Variants in DHRSX observed in about 807,000 individuals in gnomAD.
The protein encoded by DHRSX is polyprenol dehydrogenase.
In DHRSX, 31 loss-of-function variants were observed where a neutral mutation model predicts 34.0. That is an observed-to-expected ratio of 0.91 (90% CI 0.69 to 1.23). DHRSX has a LOEUF of 1.23. Among genes scored for constraint, DHRSX ranks in the 50% most tolerant of loss-of-function variants. DHRSX has a pLI of 0.00. For synonymous variants in DHRSX, 201 were observed against 183.8 expected (o/e 1.09, Z -0.76); for missense variants, 414 against 428.1 (o/e 0.97, Z 0.29).
At chrX:2,360,489 A>G (rs1382656721) in intron 3 of DHRSX, among the ~76,000 whole-genome samples, 1 of 152,168 alleles carries the variant, frequency 6.6e-6, no homozygotes, top group Admixed American at 6.5e-5. Context: ...AGGCTGAGGC[A>G]GGAGAATCGC....
At chrX:2,354,130 C>T (rs2042820236) in intron 3 of DHRSX, among the ~76,000 whole-genome samples, 2 of 152,124 alleles carry the variant, frequency 1.3e-5, no homozygotes, top group Admixed American at 1.3e-4. Context: ...TCCTGGTGGC[C>T]ATTCCCACCC....
intron 3 of DHRSX, among the ~76,000 whole-genome samples, chrX:2,351,771 G>A (rs1338848285): frequency 6.6e-6 from 1 of 152,188 alleles, no homozygotes; most frequent in Non-Finnish European, 1.5e-5. Context: ...CCAGGCTGGA[G>A]TGCAGTGGCG....
chrX:2,496,464 G>A (rs2045287458), intron 1 of DHRSX, among the ~76,000 whole-genome samples: 1 of 152,146 alleles, frequency 6.6e-6, no homozygotes, highest in Admixed American at 6.5e-5. Flanking sequence ...CTCCCAAAGT[G>A]CTGGGATTAT....
chrX:2,381,619 C>A (rs2043203448), intron 3 of DHRSX, among the ~76,000 whole-genome samples: 1 of 151,566 alleles, frequency 6.6e-6, no homozygotes, highest in African/African-American at 2.4e-5. Context: ...GGAAACTCTG[C>A]CTCAAAAAAA....
chrX:2,255,981 G>T (rs757646744), intron 5 of DHRSX, among the ~76,000 whole-genome samples: 1 of 149,732 alleles, frequency 6.7e-6, no homozygotes, highest in East Asian at 2.0e-4. Flanking sequence ...AAATCTTAAA[G>T]AATAGAAAAT....
intron 3 of DHRSX, among the ~76,000 whole-genome samples, chrX:2,377,030 T>C (rs1398076075): frequency 1.3e-5 from 2 of 149,206 alleles, no homozygotes; most frequent in African/African-American, 2.5e-5. Context: ...CACTGTGGCA[T>C]AGAGACACAG....
At chrX:2,338,689 C>T (rs1315198430) in intron 3 of DHRSX, among the ~76,000 whole-genome samples, 1 of 152,186 alleles carries the variant, frequency 6.6e-6, no homozygotes, top group Non-Finnish European at 1.5e-5. Context: ...CTTCCCGTTC[C>T]ACCATGAGTG....
chrX:2,486,082 T>C (rs2044921274), intron 1 of DHRSX, among the ~76,000 whole-genome samples: 1 of 151,856 alleles, frequency 6.6e-6, no homozygotes, highest in Admixed American at 6.6e-5. Flanking sequence ...GCCATCCGGA[T>C]CCATCCAGGC....
chrX:2,276,043 C>T (rs974290910), intron 4 of DHRSX, among the ~76,000 whole-genome samples: 26 of 152,028 alleles, frequency 1.7e-4, no homozygotes, highest in Non-Finnish European at 3.2e-4. Context: ...GGGATTTCAC[C>T]GTGTTGGCCA....
chrX:2,410,792 C>T (rs1409374538), intron 2 of DHRSX, among the ~76,000 whole-genome samples: 1 of 152,118 alleles, frequency 6.6e-6, no homozygotes, highest in Non-Finnish European at 1.5e-5. Flanking sequence ...CAGTGGGAGA[C>T]GGCTAAGATA....
chrX:2,273,809 G>A (rs895421266), intron 4 of DHRSX, among the ~76,000 whole-genome samples: 4 of 152,202 alleles, frequency 2.6e-5, no homozygotes, highest in African/African-American at 9.7e-5. Context: ...CAACAGCATC[G>A]TTGGGGAAGG....
rs34709179 is a variant in DHRSX, at chrX:2,387,860, G to GAA, written c.286+20883_286+20884dup. Among the ~76,000 whole-genome samples the GAA allele has an allele frequency of 3.8e-4, 19 of 49,714 alleles. 1 individual carries two copies. The highest frequency in any genetic ancestry group is 3.5e-3 in the Admixed American group (13 of 3,682). The allele number at this position is 49,714 out of a possible 152,430, so 32.6% of individuals were successfully genotyped here. A position where few individuals can be genotyped will look rare whatever the true frequency, so the allele number is the denominator to read the frequency against. On this transcript the variant is annotated intron_variant, in intron 3 of 6. Coordinates refer to ENST00000334651, the MANE Select transcript of DHRSX (RefSeq NM_145177.3). ...GGGGTGAATTTCCTCACAGCAGGCG[G>GAA]AAAAAAAAAAAAATTCCCTACTCTG...
chrX:2,394,316 G>T (rs755944046), intron 3 of DHRSX, among the ~76,000 whole-genome samples: 1 of 152,336 alleles, frequency 6.6e-6, no homozygotes, highest in African/African-American at 2.4e-5. Flanking sequence ...CTTGGCAGCA[G>T]CAGGGAGCTG....
At chrX:2,478,015 T>TG (rs1289491622) in intron 1 of DHRSX, among the ~76,000 whole-genome samples, 1 of 152,186 alleles carries the variant, frequency 6.6e-6, no homozygotes, top group Non-Finnish European at 1.5e-5. Context: ...TCTGATAGGA[T>TG]GGGGGCATCT....
chrX:2,452,638 C>T (rs1569502920), intron 1 of DHRSX, among the ~76,000 whole-genome samples: 1 of 151,610 alleles, frequency 6.6e-6, no homozygotes, highest in Non-Finnish European at 1.5e-5. Context: ...ATGCGGCCAA[C>T]GGACTGCCAC....
intron 6 of DHRSX, among the ~76,000 whole-genome samples, chrX:2,236,883 T>A (rs756880933): frequency 8.2e-4 from 112 of 136,068 alleles, no homozygotes; most frequent in African/African-American, 1.4e-3. Context: ...TGTTTATTAA[T>A]AAAAAAAAAA....
intron 3 of DHRSX, among the ~76,000 whole-genome samples, chrX:2,299,014 A>AAAT (rs1191716751): frequency 0.024 from 3,099 of 131,380 alleles, 242 homozygotes; most frequent in Non-Finnish European, 0.031. Context: ...AAAAAAAAAA[A>AAAT]TGGGAAAAAT....
intron 1 of DHRSX, chrX:2,488,709 G>C: frequency 1.2e-6 from 2 of 1,613,856 alleles, no homozygotes; most frequent in Non-Finnish European, 1.7e-6. Context: ...ACCTGCTCCT[G>C]GTCCAGGCCC....
In DHRSX at chrX:2,274,510, G is replaced by A. The variant is rs761900559; in HGVS notation, c.389-7563C>T. ...CGGCTCACTGCAACCTCCGCCTCCC[G>A]GGTTGAAGTGATTCTTCTGCCTCAG... On this transcript the variant is annotated intron_variant, in intron 4 of 6. Coordinates refer to ENST00000334651, the MANE Select transcript of DHRSX (RefSeq NM_145177.3). Among the ~76,000 whole-genome samples the A allele has an allele frequency of 1.9e-3, 287 of 151,876 alleles. 1 individual carries two copies. Among genetic ancestry groups the A allele is most frequent in the Admixed American group, 5.3e-3 (80 of 15,236 alleles).
Sources: gnomAD v4.1 joint callset for allele counts (sites outside exome capture counted in the v4.1 genomes callset) on GRCh38, gnomAD v4.1.1 for gene constraint, MANE v1.5 for transcripts, NCBI Gene and HGNC (gene_info 2026-07-23, HGNC 2026-07-21) for gene names.